DIAPH3: variants seen among roughly 807,000 people sequenced by gnomAD.
DIAPH3 encodes protein diaphanous homolog 3.
A neutral mutation model predicts 144.3 loss-of-function variants in DIAPH3; 117 were observed. That is an observed-to-expected ratio of 0.81 (90% confidence interval 0.70 to 0.95). The LOEUF is 0.95. Among genes scored for constraint, DIAPH3 ranks in the 40% least tolerant of loss-of-function variants. The probability of loss-of-function intolerance (pLI) is 0.00; values close to 1 mark genes in which losing one functional copy is unlikely to be tolerated. For missense variants in DIAPH3, 1,421 were observed against 1,412.7 expected (o/e 1.01, Z -0.09); for synonymous variants, 519 against 488.9 (o/e 1.06, Z -0.81).
intron 27 of DIAPH3, among the ~76,000 whole-genome samples, chr13:59,757,535 G>C (rs2037350396): frequency 6.6e-6 from 1 of 151,504 alleles, no homozygotes. Context: ...CGAGTAGCTG[G>C]GACTACAGGC....
chr13:59,759,461 A>G (rs2139177922), intron 27 of DIAPH3, among the ~76,000 whole-genome samples: 1 of 152,336 alleles, frequency 6.6e-6, no homozygotes, highest in South Asian at 2.1e-4. Flanking sequence ...TTTCTACAAC[A>G]TAGTACCTAG....
At chr13:60,151,139 A>C (rs1173618537) in intron 1 of DIAPH3, among the ~76,000 whole-genome samples, 1 of 152,058 alleles carries the variant, frequency 6.6e-6, no homozygotes, top group Non-Finnish European at 1.5e-5. Flanking sequence ...AGCAGGAAGA[A>C]GAGGTTAAAA....
intron 4 of DIAPH3, among the ~76,000 whole-genome samples, chr13:60,081,936 C>T (rs2057571604): frequency 6.6e-6 from 1 of 151,828 alleles, no homozygotes; most frequent in South Asian, 2.1e-4. Context: ...GAACAGGATC[C>T]TACATTGAAG....
chr13:59,762,049 CA>C (rs2037620503), intron 27 of DIAPH3, among the ~76,000 whole-genome samples: 1 of 126,412 alleles, frequency 7.9e-6, no homozygotes, highest in Non-Finnish European at 1.6e-5. Context: ...AAAGCGTCAG[CA>C]TCTTTTTTTT....
chr13:60,053,470 C>T (rs1033623648), intron 4 of DIAPH3, among the ~76,000 whole-genome samples: 1 of 152,034 alleles, frequency 6.6e-6, no homozygotes, highest in Non-Finnish European at 1.5e-5. Context: ...ACATAGATTC[C>T]TCTTATCATA....
chr13:59,727,529 CCT>C (rs1245499826), intron 27 of DIAPH3, among the ~76,000 whole-genome samples: 1 of 152,152 alleles, frequency 6.6e-6, no homozygotes, highest in African/African-American at 2.4e-5. Flanking sequence ...AGTTACTTAA[CCT>C]CTCTGTGTCT....
intron 5 of DIAPH3, among the ~76,000 whole-genome samples, chr13:60,023,124 ATTC>A (rs2054137826): frequency 6.6e-6 from 1 of 152,192 alleles, no homozygotes; most frequent in Admixed American, 6.5e-5. Context: ...ATTGGCATTA[ATTC>A]TTCTTTAAGT....
At chr13:60,092,373 C>T (rs1269472894) in intron 4 of DIAPH3, among the ~76,000 whole-genome samples, 2 of 152,126 alleles carry the variant, frequency 1.3e-5, no homozygotes, top group Admixed American at 6.5e-5. Context: ...TAAAAAAAGG[C>T]CGGGCGCAGT....
At chr13:59,670,635 T>A (rs1025934957) in intron 27 of DIAPH3, among the ~76,000 whole-genome samples, 1 of 147,868 alleles carries the variant, frequency 6.8e-6, no homozygotes, top group Admixed American at 6.9e-5. Flanking sequence ...CAGGCTGGAG[T>A]GCAGTGGCGG....
chr13:59,942,228 G>A (rs1227642163), intron 17 of DIAPH3, among the ~76,000 whole-genome samples: 1 of 152,076 alleles, frequency 6.6e-6, no homozygotes, highest in Non-Finnish European at 1.5e-5. Context: ...ATTGCTTTCT[G>A]AATGGAGTTT....
chr13:60,069,942 T>C lies in DIAPH3; in HGVS notation c.495+23686A>G, dbSNP rs569981256. Among the ~76,000 whole-genome samples, 18 of 152,316 alleles carry C rather than the reference T, an allele frequency of 1.2e-4. No homozygotes were observed. The South Asian group carries it at 3.7e-3, about 32-fold the overall frequency. ...CTGGCTTTGTTCTTTTTGCTTAGGA[T>C]TGTCTTGGCTATTCAAGCTCTTTTT... On this transcript the variant is annotated intron_variant, in intron 4 of 27. Coordinates refer to ENST00000400324, the MANE Select transcript of DIAPH3 (RefSeq NM_001042517.2).
At chr13:59,669,914 G>A (rs985672690) in intron 27 of DIAPH3, among the ~76,000 whole-genome samples, 1 of 152,090 alleles carries the variant, frequency 6.6e-6, no homozygotes, top group African/African-American at 2.4e-5. Context: ...TGTCAAGGTC[G>A]CTAATGAACA....
rs963183930 is a variant in DIAPH3, at chr13:59,666,801, T to C, written c.3365A>G (p.Asn1122Ser). The change falls in exon 28 of 28, where the codon AAT becomes AGT. Residue 1122 changes from asparagine to serine, a missense_variant. Physicochemically the swap from Asn to Ser is conservative, Grantham distance 46. Coordinates refer to ENST00000400324, the MANE Select transcript of DIAPH3 (RefSeq NM_001042517.2). The part of the protein sequence containing the change: ...QLTEGSRSHY[N>S]INCNSTRTPV... ...AGTCCTTGTTGAGTTGCAATTGATA[T>C]TGTAGTGTGAACGTGACCCTTCTGT... is the stretch of plus-strand genomic sequence containing the variant. 2.0e-5 allele frequency: 33 copies of C among 1,614,048 alleles called. No homozygotes were observed. Among genetic ancestry groups the C allele is most frequent in the Non-Finnish European group, 2.8e-5 (33 of 1,180,008 alleles).
rs773127972 is a variant in DIAPH3 at position 59,861,544 on chromosome 13, GA to G, written c.2608-9del. 2.6e-5 allele frequency: 42 copies of G among 1,613,074 alleles called. No individual in the cohort carries two copies. The highest frequency in any genetic ancestry group is 3.1e-5 in the Non-Finnish European group (37 of 1,179,498). ...TGATTTTGTGTCCTTTAGCTAAATA[GA>G]ACAGGAGGGAGAAAAAACACAGAGT... On this transcript the variant is annotated splice_polypyrimidine_tract_variant and intron_variant, in intron 21 of 27. Coordinates refer to ENST00000400324, the MANE Select transcript of DIAPH3 (RefSeq NM_001042517.2).
At chr13:59,775,232 GTTTTTGTTTTTTGT>G (rs372541871) in intron 25 of DIAPH3, among the ~76,000 whole-genome samples, 5 of 151,924 alleles carry the variant, frequency 3.3e-5, no homozygotes, top group African/African-American at 1.2e-4. Context: ...GGAGAGAGTA[GTTTTTGTTTTTTGT>G]TTTTTGTTTT....
intron 3 of DIAPH3, among the ~76,000 whole-genome samples, chr13:60,100,777 TA>T (rs560899159): frequency 6.9e-4 from 101 of 145,590 alleles, no homozygotes; most frequent in Admixed American, 6.9e-4. Flanking sequence ...ACATCATTAT[TA>T]AAAAAAAAAA....
At chr13:59,953,478 A>C (rs747124044) in intron 17 of DIAPH3, among the ~76,000 whole-genome samples, 10 of 152,196 alleles carry the variant, frequency 6.6e-5, no homozygotes, top group Non-Finnish European at 1.3e-4. Flanking sequence ...ATGCCTGGTG[A>C]AAGACGTACT....
intron 24 of DIAPH3, among the ~76,000 whole-genome samples, chr13:59,813,874 A>G (rs992233323): frequency 6.6e-6 from 1 of 151,940 alleles, no homozygotes; most frequent in African/African-American, 2.4e-5. Flanking sequence ...AAAAAAAAAA[A>G]AAATTCAACA....
intron 1 of DIAPH3, among the ~76,000 whole-genome samples, chr13:60,147,978 T>C (rs1006295174): frequency 4.6e-5 from 7 of 151,528 alleles, no homozygotes; most frequent in African/African-American, 1.7e-4. Context: ...AGCAGAGAGA[T>C]GGAAGGTAAG....
Sources: gnomAD v4.1 joint callset for allele counts (sites outside exome capture counted in the v4.1 genomes callset) on GRCh38, gnomAD v4.1.1 for gene constraint, MANE v1.5 for transcripts, NCBI Gene and HGNC (gene_info 2026-07-23, HGNC 2026-07-21) for gene names.